RALGAPB: variants seen among roughly 807,000 people sequenced by gnomAD.
The protein encoded by RALGAPB is ral GTPase-activating protein subunit beta.
In RALGAPB, 25 loss-of-function variants were observed where a neutral mutation model predicts 161.1. The ratio of observed to expected loss-of-function variants is 0.16; its 90% CI spans 0.11 to 0.22. The LOEUF is 0.22. Among genes scored for constraint, RALGAPB ranks in the 10% least tolerant of loss-of-function variants. RALGAPB has a pLI of 1.00. For synonymous variants in RALGAPB, 629 were observed against 626.1 expected (o/e 1.00, Z -0.07); for missense variants, 1,391 against 1,815.2 (o/e 0.77, Z 4.25).
At position 38,565,367 on chromosome 20, in the gene RALGAPB, T is replaced by C. The variant is rs780556152; in HGVS notation, c.3706T>C (p.Ser1236Pro). Reference sequence around the variant, plus strand: ...TTTCTTTTTCCCAGAAGAAGTGATTTCCTCTGAAGATATTGGAGCTAGCAT... The same window carrying C: ...TTTCTTTTTCCCAGAAGAAGTGATTCCCTCTGAAGATATTGGAGCTAGCAT... ...DGEGSQQEVI[S>P]SEDIGASIFN... Residue 1236 changes from serine to proline, a missense_variant, in exon 25 of 30, where the codon TCC becomes CCC. Transcript: ENST00000262879. 1.9e-5 allele frequency: 31 copies of C among 1,612,958 alleles called. No homozygotes were observed. The highest frequency in any genetic ancestry group is 2.4e-5 in the Non-Finnish European group (28 of 1,179,414).
rs548023395 is a variant in RALGAPB at position 38,556,615 on chromosome 20, A to G, written c.3373-1680A>G. Among the ~76,000 whole-genome samples, 10 of 152,362 alleles carry G rather than the reference A, an allele frequency of 6.6e-5. No homozygotes were observed. The South Asian group carries it at 8.3e-4, about 13-fold the overall frequency. Reference sequence around the variant, plus strand: ...TTGACAAAAGTTACCTTAACAAACTATGTACAAGACCTAGAGGAAGAAACT... The same window carrying G: ...TTGACAAAAGTTACCTTAACAAACTGTGTACAAGACCTAGAGGAAGAAACT... On this transcript the variant is annotated intron_variant, in intron 22 of 29. Transcript: ENST00000262879.
chr20:38,478,585 T>C (rs959020185), intron 1 of RALGAPB, among the ~76,000 whole-genome samples: 1 of 151,758 alleles, frequency 6.6e-6, no homozygotes, highest in Non-Finnish European at 1.5e-5. Context: ...CACACCCGGC[T>C]AATTTTTTTA....
rs546064731 is a variant in RALGAPB, at chr20:38,496,325, C to A, written c.390-1028C>A. On this transcript the variant is annotated intron_variant, in intron 3 of 29. Transcript: ENST00000262879. ...CTCTTCTAAGGTTGGGTTGACAGTT[C>A]TAAGGGAACTCACTTCATTTTCTGG... 5.9e-5 allele frequency among the ~76,000 whole-genome samples: 9 copies of A among 152,300 alleles called. No individual in the cohort carries two copies. In the East Asian group the frequency reaches 1.7e-3, roughly 29 times the overall value.
At chr20:38,490,032 C>T (rs1164021162) in intron 2 of RALGAPB, among the ~76,000 whole-genome samples, 3 of 146,630 alleles carry the variant, frequency 2.0e-5, no homozygotes, top group South Asian at 2.1e-4. Context: ...TTTTTTGAGA[C>T]GGAGTCTCGC....
intron 22 of RALGAPB, among the ~76,000 whole-genome samples, chr20:38,555,538 T>C (rs2087555505): frequency 1.3e-5 from 2 of 152,122 alleles, no homozygotes; most frequent in Admixed American, 1.3e-4. Context: ...TGCAAATCAT[T>C]AGTGATATTC....
At chr20:38,542,855 T>G (rs2087017746) in intron 18 of RALGAPB, among the ~76,000 whole-genome samples, 1 of 151,588 alleles carries the variant, frequency 6.6e-6, no homozygotes, top group Admixed American at 6.6e-5. Flanking sequence ...CAGAGTGAGA[T>G]TCCATCTCAG....
At chr20:38,526,373 C>T (rs1315246408) in intron 13 of RALGAPB, among the ~76,000 whole-genome samples, 5 of 152,008 alleles carry the variant, frequency 3.3e-5, no homozygotes, top group Non-Finnish European at 7.4e-5. Flanking sequence ...GCCTCTTTCT[C>T]TTCCTCCCGC....
chr20:38,553,802 C>T, intron 21 of RALGAPB, 65 bp from the exon 22 acceptor site: 1 of 326,140 alleles, frequency 3.1e-6, no homozygotes, highest in Non-Finnish European at 5.0e-6. Flanking sequence ...AAAAAAAAAA[C>T]ACTTAAGATT....
At chr20:38,516,497 G>T in intron 7 of RALGAPB, 127 bp downstream of exon 7, 1 of 948,422 alleles carries the variant, frequency 1.1e-6, no homozygotes. Context: ...AATAACAAGC[G>T]AGGAAAAATT....
At chr20:38,524,307 T>G (rs1171658505) in intron 10 of RALGAPB, among the ~76,000 whole-genome samples, 2 of 152,190 alleles carry the variant, frequency 1.3e-5, no homozygotes, top group Non-Finnish European at 2.9e-5. Flanking sequence ...TAAACACACC[T>G]TTTTCCCTAG....
chr20:38,504,589 TTAAAC>T (rs1249124052), intron 5 of RALGAPB, among the ~76,000 whole-genome samples: 1 of 152,190 alleles, frequency 6.6e-6, no homozygotes, highest in Non-Finnish European at 1.5e-5. Flanking sequence ...TGGTACCTAA[TTAAAC>T]TAAAGAGTTT....
Position 38,565,288 on chromosome 20 carries a change from C to T in RALGAPB, c.3698-71C>T, listed in dbSNP as rs2087952165. On this transcript the variant is annotated intron_variant, in intron 24 of 29. Transcript: ENST00000262879. The stretch of plus-strand genomic sequence containing the variant: ...TCACTTTATTAACCAGTTAACATTT[C>T]ATGTAGCAAGATGATACTGGTTTTT... 7 of 1,538,024 alleles carry T rather than the reference C, an allele frequency of 4.6e-6. No homozygotes were observed. In the African/African-American group the frequency reaches 6.9e-5, roughly 15 times the overall value.
At chr20:38,516,530 A>G in intron 7 of RALGAPB, 160 bp downstream of exon 7, 1 of 722,000 alleles carries the variant, frequency 1.4e-6, no homozygotes, top group East Asian at 2.9e-5. Flanking sequence ...TAAAATAGCC[A>G]GAGGGTTATC....
chr20:38,533,009 AAAC>A (rs1482653903), intron 15 of RALGAPB, 150 bp downstream of exon 15: 10 of 956,136 alleles, frequency 1.0e-5, no homozygotes, highest in East Asian at 2.7e-5. Context: ...AGCTAAGAAA[AAAC>A]AAATCTTTTT....
Position 38,479,614 on chromosome 20 carries a change from G to A in RALGAPB, c.-31+6545G>A, listed in dbSNP as rs551208168. ...TGGGAAGGAAATTAAGGGATCTGCA[G>A]GGGAGCACTGTTGACTTCTTCCCCT... On this transcript the variant is annotated intron_variant, in intron 1 of 29. Coordinates refer to ENST00000262879, the MANE Select transcript of RALGAPB (RefSeq NM_020336.4). 5.6e-4 allele frequency among the ~76,000 whole-genome samples: 85 copies of A among 152,294 alleles called. 1 individual carries two copies. The South Asian group carries it at 0.017, about 31-fold the overall frequency.
At chr20:38,525,315 AT>A in intron 11 of RALGAPB, 88 bp from the exon 12 acceptor site, 1 of 864,644 alleles carries the variant, frequency 1.2e-6, no homozygotes, top group Non-Finnish European at 1.9e-6. Context: ...CAATGCTTGG[AT>A]TTGGAAAAAT....
At chr20:38,528,936 C>T (rs1310062516) in intron 13 of RALGAPB, among the ~76,000 whole-genome samples, 1 of 152,122 alleles carries the variant, frequency 6.6e-6, no homozygotes, top group African/African-American at 2.4e-5. Context: ...CCTGCCTTAC[C>T]CTTCCAAAGT....
chr20:38,516,574 T>G (rs1186654040), intron 7 of RALGAPB: 2 of 537,194 alleles, frequency 3.7e-6, no homozygotes, highest in African/African-American at 1.9e-5. Flanking sequence ...GGTGCAAAAG[T>G]AATTGCGGTT....
At chr20:38,494,957 A>G (rs2085379888) in intron 3 of RALGAPB, among the ~76,000 whole-genome samples, 1 of 152,280 alleles carries the variant, frequency 6.6e-6, no homozygotes, top group Admixed American at 6.5e-5. Context: ...TGGTTTTGCT[A>G]TTTGGTAATT....
Sources: gnomAD v4.1 joint callset for allele counts (sites outside exome capture counted in the v4.1 genomes callset) on GRCh38, gnomAD v4.1.1 for gene constraint, MANE v1.5 for transcripts, NCBI Gene and HGNC (gene_info 2026-07-23, HGNC 2026-07-21) for gene names.